Variants in CTNNA3 observed in about 807,000 individuals in gnomAD.
The protein encoded by CTNNA3 is catenin alpha 3.
A neutral mutation model predicts 95.7 loss-of-function variants in CTNNA3; 76 were observed. That is an observed-to-expected ratio of 0.79 (90% CI 0.66 to 0.96). CTNNA3 has a LOEUF of 0.96. CTNNA3 is among the 40% of genes least tolerant of loss of function. The pLI, the probability that CTNNA3 is intolerant of heterozygous loss-of-function variation, is 0.00. For synonymous variants in CTNNA3, 431 were observed against 374.4 expected, an observed-to-expected ratio of 1.15 and a Z score of -1.74; for missense variants, 1,191 against 1,089.8, an observed-to-expected ratio of 1.09 and a Z score of -1.31.
intron 7 of CTNNA3, among the ~76,000 whole-genome samples, chr10:66,832,245 G>A (rs10997400): frequency 0.028 from 4,194 of 152,260 alleles, 89 homozygotes; most frequent in South Asian, 0.039. Context: ...AGAGGTCTGA[G>A]ACCCTGTATA....
intron 9 of CTNNA3, among the ~76,000 whole-genome samples, chr10:66,721,142 A>G (rs1848616085): frequency 6.6e-6 from 1 of 152,188 alleles, no homozygotes; most frequent in African/African-American, 2.4e-5. Context: ...GTGAGAGTTC[A>G]GATACTGCAG....
intron 9 of CTNNA3, among the ~76,000 whole-genome samples, chr10:66,738,241 T>C (rs1377979923): frequency 1.3e-5 from 2 of 152,228 alleles, no homozygotes; most frequent in Non-Finnish European, 2.9e-5. Flanking sequence ...CTTTCCTTGA[T>C]ATCTATTATG....
At chr10:67,591,227 T>C (rs1312258861) in intron 3 of CTNNA3, among the ~76,000 whole-genome samples, 1 of 152,258 alleles carries the variant, frequency 6.6e-6, no homozygotes, top group Middle Eastern at 3.4e-3. Flanking sequence ...GGAAGAAATG[T>C]CTAGCCAACA....
At chr10:66,400,737 A>G (rs1260963319) in intron 11 of CTNNA3, among the ~76,000 whole-genome samples, 1 of 152,134 alleles carries the variant, frequency 6.6e-6, no homozygotes, top group East Asian at 1.9e-4. Flanking sequence ...CTTTCAATAG[A>G]TAGATAGCTA....
At chr10:66,352,917 A>T (rs1439778490) in intron 12 of CTNNA3, among the ~76,000 whole-genome samples, 1 of 152,060 alleles carries the variant, frequency 6.6e-6, no homozygotes, top group African/African-American at 2.4e-5. Context: ...CAGGAAGAGG[A>T]GGTCATCAAC....
At chr10:67,294,116 C>G (rs1454154966) in intron 5 of CTNNA3, among the ~76,000 whole-genome samples, 1 of 152,076 alleles carries the variant, frequency 6.6e-6, no homozygotes, top group Non-Finnish European at 1.5e-5. Flanking sequence ...CTTTTTCATC[C>G]TACAAAGAGG....
rs201613624 is a variant in CTNNA3, at chr10:66,577,460, T to A, written c.1374+44232A>T. 3.9e-5 allele frequency among the ~76,000 whole-genome samples: 6 copies of A among 152,174 alleles called. No homozygotes were observed. The East Asian group carries it at 1.2e-3, about 29-fold the overall frequency. ...TCTTCTAGGGTTTTTATTGTTTTAG[T>A]TCTACTTTTAAGTTTTTAACCCATC... On this transcript the variant is annotated intron_variant, in intron 10 of 17. Coordinates refer to ENST00000433211, the MANE Select transcript of CTNNA3 (RefSeq NM_013266.4).
chr10:67,610,547 A>G (rs1301200078), intron 2 of CTNNA3, among the ~76,000 whole-genome samples: 1 of 152,206 alleles, frequency 6.6e-6, no homozygotes, highest in African/African-American at 2.4e-5. Context: ...AACTCACCTA[A>G]GAGATTTAAC....
intron 12 of CTNNA3, among the ~76,000 whole-genome samples, chr10:66,290,322 T>C (rs544328110): frequency 4.1e-4 from 62 of 151,964 alleles, no homozygotes; most frequent in Non-Finnish European, 7.2e-4. Flanking sequence ...AATCCTAGAG[T>C]TAAGGTACAG....
chr10:67,461,306 T>TGTATTCCAAGATCTTAGAAGG (rs1847364592), intron 5 of CTNNA3, among the ~76,000 whole-genome samples: 1 of 152,126 alleles, frequency 6.6e-6, no homozygotes, highest in Admixed American at 6.6e-5. Flanking sequence ...CCATTAAAAT[T>TGTATTCCAAGATCTTAGAAGG]GTATTCCAAG....
chr10:67,257,200 G>A (rs368706188), intron 5 of CTNNA3, among the ~76,000 whole-genome samples: 1 of 152,192 alleles, frequency 6.6e-6, no homozygotes, highest in African/African-American at 2.4e-5. Flanking sequence ...ACCAATGTGT[G>A]AGAGATAATT....
intron 5 of CTNNA3, among the ~76,000 whole-genome samples, chr10:67,428,497 A>C (rs561615577): frequency 1.6e-4 from 24 of 152,204 alleles, no homozygotes; most frequent in African/African-American, 5.1e-4. Context: ...GTAAAGGGAA[A>C]TATTAGCATT....
intron 7 of CTNNA3, among the ~76,000 whole-genome samples, chr10:66,946,906 C>T (rs1848301494): frequency 6.6e-6 from 1 of 152,092 alleles, no homozygotes; most frequent in Non-Finnish European, 1.5e-5. Context: ...TGAAAATTTT[C>T]CTACAGTCTC....
intron 9 of CTNNA3, among the ~76,000 whole-genome samples, chr10:66,711,579 C>T (rs1471979770): frequency 6.6e-6 from 1 of 151,974 alleles, no homozygotes; most frequent in Non-Finnish European, 1.5e-5. Context: ...GACAGAGTCT[C>T]ACTCTGTCAT....
chr10:67,518,445 G>A (rs966787034), intron 5 of CTNNA3, among the ~76,000 whole-genome samples: 6 of 152,116 alleles, frequency 3.9e-5, no homozygotes, highest in African/African-American at 1.4e-4. Context: ...CGTGATCAGA[G>A]AGACAAGAAT....
intron 13 of CTNNA3, among the ~76,000 whole-genome samples, chr10:66,191,522 T>C (rs67867372): frequency 0.047 from 7,197 of 151,964 alleles, 215 homozygotes; most frequent in African/African-American, 0.066. Flanking sequence ...GTCCCATAGG[T>C]GTACTTCCGT....
At chr10:65,981,893 T>C (rs994715196) in intron 16 of CTNNA3, among the ~76,000 whole-genome samples, 19 of 151,874 alleles carry the variant, frequency 1.3e-4, no homozygotes, top group Admixed American at 6.6e-4. Flanking sequence ...CCATAAAAAT[T>C]CTAGAAGATA....
chr10:67,626,744 T>C (rs750552901), intron 2 of CTNNA3, among the ~76,000 whole-genome samples: 46 of 151,952 alleles, frequency 3.0e-4, no homozygotes, highest in Non-Finnish European at 6.5e-4. Flanking sequence ...GACTTTTGTA[T>C]ACATACATGT....
intron 7 of CTNNA3, among the ~76,000 whole-genome samples, chr10:66,776,126 C>G (rs889518729): frequency 6.6e-6 from 1 of 152,204 alleles, no homozygotes; most frequent in South Asian, 2.1e-4. Context: ...CAGAACAGCT[C>G]TCTGTTATAT....
Sources: allele counts gnomAD v4.1 joint callset (sites outside exome capture counted in the v4.1 genomes callset), GRCh38; gene constraint gnomAD v4.1.1; transcripts MANE v1.5; gene names NCBI Gene and HGNC (gene_info 2026-07-23, HGNC 2026-07-21).